Variants in UNC13C observed in about 807,000 individuals in gnomAD.
UNC13C encodes the protein unc-13 homolog C.
Under a neutral mutation model 245.4 loss-of-function variants are expected in UNC13C, and 174 were observed. The ratio of observed to expected loss-of-function variants is 0.71; its 90% CI spans 0.63 to 0.80. UNC13C has a LOEUF of 0.80. Ranked by LOEUF, UNC13C falls within the 30% of genes least tolerant of loss-of-function variation. The pLI, the probability that UNC13C is intolerant of heterozygous loss-of-function variation, is 0.00. For missense variants in UNC13C, 2,829 were observed against 2,602.9 expected, an observed-to-expected ratio of 1.09 and a Z score of -1.89; for synonymous variants, 992 against 895.1, an observed-to-expected ratio of 1.11 and a Z score of -1.93.
the UNC13C span, among the ~76,000 whole-genome samples, chr15:53,945,871 A>G: frequency 6.6e-6 from 1 of 152,300 alleles, no homozygotes; most frequent in East Asian, 1.9e-4. Context: ...GATTCTTCCT[A>G]TCCATGAGTA....
chr15:54,498,056 A>C (rs1894036072), intron 20 of UNC13C, among the ~76,000 whole-genome samples: 1 of 152,108 alleles, frequency 6.6e-6, no homozygotes, highest in East Asian at 1.9e-4. Context: ...GACCCCAACA[A>C]ACAGTAAGAA....
intron 19 of UNC13C, among the ~76,000 whole-genome samples, chr15:54,485,252 A>G (rs1893345184): frequency 6.6e-6 from 1 of 152,234 alleles, no homozygotes; most frequent in Admixed American, 6.5e-5. Context: ...TACAATCTTT[A>G]CATTCTTTCA....
chr15:54,405,220 G>C (rs1488248158), intron 18 of UNC13C, among the ~76,000 whole-genome samples: 1 of 152,118 alleles, frequency 6.6e-6, no homozygotes, highest in African/African-American at 2.4e-5. Context: ...TGAGAAAATG[G>C]AGTTTTGAAG....
intron 19 of UNC13C, among the ~76,000 whole-genome samples, chr15:54,477,153 G>A (rs1892794122): frequency 8.7e-6 from 1 of 115,604 alleles, no homozygotes; most frequent in South Asian, 3.2e-4. Flanking sequence ...TTTGTACATT[G>A]ATTTTGTATC....
the UNC13C span, among the ~76,000 whole-genome samples, chr15:53,849,636 T>C: frequency 3.6e-4 from 55 of 152,282 alleles, no homozygotes; most frequent in African/African-American, 1.3e-3. Context: ...AAATATTTCT[T>C]CTTATTGCAT....
chr15:54,443,628 C>G (rs1890651474), intron 19 of UNC13C, among the ~76,000 whole-genome samples: 1 of 151,926 alleles, frequency 6.6e-6, no homozygotes, highest in African/African-American at 2.4e-5. Context: ...TTTCAATAAA[C>G]TTTCTGATTT....
chr15:53,843,529 T>C, the UNC13C span, among the ~76,000 whole-genome samples: 9 of 152,088 alleles, frequency 5.9e-5, no homozygotes, highest in Admixed American at 6.6e-5. Flanking sequence ...TTTTACTTAT[T>C]TTTTTATAAG....
At chr15:54,399,247 A>G (rs762064819) in intron 18 of UNC13C, among the ~76,000 whole-genome samples, 1 of 151,674 alleles carries the variant, frequency 6.6e-6, no homozygotes, top group Non-Finnish European at 1.5e-5. Context: ...TGATATACAG[A>G]TATTTGGTTA....
chr15:54,275,251 G>C (rs552633252), intron 10 of UNC13C, among the ~76,000 whole-genome samples: 1 of 152,228 alleles, frequency 6.6e-6, no homozygotes, highest in South Asian at 2.1e-4. Context: ...AGAACACTTT[G>C]CCCAACAAGA....
chr15:54,184,070 G>C (rs2033888547), intron 4 of UNC13C, among the ~76,000 whole-genome samples: 1 of 152,064 alleles, frequency 6.6e-6, no homozygotes, highest in Non-Finnish European at 1.5e-5. Context: ...CTGAAATGCA[G>C]ACTGTACATT....
intron 17 of UNC13C, among the ~76,000 whole-genome samples, chr15:54,366,248 C>G (rs983171301): frequency 2.0e-5 from 3 of 152,088 alleles, no homozygotes; most frequent in Non-Finnish European, 2.9e-5. Context: ...TTTCTAGTTG[C>G]TATATAACAG....
Position 54,014,902 on chromosome 15 carries a change from G to T in UNC13C, c.1999G>T (p.Gly667Cys). 1.2e-6 allele frequency: 2 copies of T among 1,613,898 alleles called. No individual in the cohort carries two copies. The highest frequency in any genetic ancestry group is 2.2e-5 in the East Asian group (1 of 44,880). Residue 667 changes from glycine (G) to cysteine (C), a missense_variant, in exon 2 of 33, where the codon GGC (glycine) becomes TGC (cysteine). Gly to Cys is a radical substitution (Grantham distance 159). Transcript: ENST00000260323. ...WKEWNQGADL[G>C]LDSSTQEGFD... The stretch of plus-strand genomic sequence containing the variant: ...GGAATGGAATCAAGGAGCTGATTTA[G>T]GCTTGGATTCATCCACCCAGGAAGG...
chr15:54,362,174 C>T (rs897437860), intron 17 of UNC13C, among the ~76,000 whole-genome samples: 1 of 152,156 alleles, frequency 6.6e-6, no homozygotes, highest in Non-Finnish European at 1.5e-5. Flanking sequence ...ACTCTTTATC[C>T]AATTTACCCC....
At chr15:54,512,549 C>T (rs1894798476) in intron 24 of UNC13C, among the ~76,000 whole-genome samples, 2 of 152,118 alleles carry the variant, frequency 1.3e-5, no homozygotes, top group African/African-American at 4.8e-5. Flanking sequence ...TCTTTTCTTT[C>T]ATAAACTGAC....
intron 5 of UNC13C, 96 bp downstream of exon 5, chr15:54,235,204 T>TG: frequency 9.9e-7 from 1 of 1,007,960 alleles, no homozygotes; most frequent in Non-Finnish European, 1.5e-6. Flanking sequence ...AGCCTGTAAA[T>TG]ATTCCATGGA....
chr15:54,619,595 G>T (rs1369325522), intron 30 of UNC13C, among the ~76,000 whole-genome samples: 1 of 152,118 alleles, frequency 6.6e-6, no homozygotes, highest in African/African-American at 2.4e-5. Context: ...AGTGATTACT[G>T]GACTACAGAA....
At chr15:54,113,598 G>T (rs765767868) in intron 2 of UNC13C, among the ~76,000 whole-genome samples, 15 of 152,050 alleles carry the variant, frequency 9.9e-5, no homozygotes, top group African/African-American at 3.6e-4. Flanking sequence ...AGGCCGAGGC[G>T]GGTGGATCAT....
chr15:54,330,406 A>G lies in UNC13C; in HGVS notation c.4426-1637A>G, dbSNP rs964736994. ...CATTTCATATGGGCACATTTGACAT[A>G]TGATATTCTTTTAGTAAGGAACAAT... On this transcript the variant is annotated intron_variant, in intron 14 of 32. Transcript: ENST00000260323. Among the ~76,000 whole-genome samples the G allele has an allele frequency of 5.9e-5, 9 of 152,060 alleles. 1 individual carries two copies. Among genetic ancestry groups the G allele is most frequent in the Admixed American group, 5.9e-4 (9 of 15,240 alleles).
chr15:53,842,013 T>G, the UNC13C span, among the ~76,000 whole-genome samples: 360 of 152,278 alleles, frequency 2.4e-3, 2 homozygotes, highest in African/African-American at 8.4e-3. Flanking sequence ...TCCATTAAGA[T>G]GTTGATGTCT....
Sources: gnomAD v4.1 joint callset for allele counts (sites outside exome capture counted in the v4.1 genomes callset) on GRCh38, gnomAD v4.1.1 for gene constraint, MANE v1.5 for transcripts, NCBI Gene and HGNC (gene_info 2026-07-23, HGNC 2026-07-21) for gene names.